CD163L1: variants seen among roughly 807,000 people sequenced by gnomAD.
CD163L1 encodes CD163 molecule like 1, also known as scavenger receptor cysteine-rich type 1 protein M160.
A neutral mutation model predicts 165.4 loss-of-function variants in CD163L1; 124 were observed. The ratio of observed to expected loss-of-function variants is 0.75; its 90% CI spans 0.65 to 0.87. The LOEUF (loss-of-function observed/expected upper bound fraction) is 0.87, where lower values mean the gene tolerates loss of function less well. Ranked by LOEUF, CD163L1 falls within the 40% of genes least tolerant of loss-of-function variation. CD163L1 has a pLI of 0.00. For missense variants in CD163L1, 1,525 were observed against 1,799.9 expected (o/e 0.85, Z 2.76); for synonymous variants, 585 against 662.2 (o/e 0.88, Z 1.79).
At chr12:7,392,292 A>G (rs749297981) in intron 8 of CD163L1, among the ~76,000 whole-genome samples, 1 of 152,206 alleles carries the variant, frequency 6.6e-6, no homozygotes, top group African/African-American at 2.4e-5. Flanking sequence ...ACACAACTAC[A>G]TGGAAACTGA....
chr12:7,440,138 G>C, intron 2 of CD163L1: 1 of 677,782 alleles, frequency 1.5e-6, no homozygotes, highest in Non-Finnish European at 2.6e-6. Flanking sequence ...GCGTGGCCAC[G>C]TCCCGCTCAG....
rs372777721 is a variant in CD163L1 at position 7,369,320 on chromosome 12, G to A, written c.4039+37C>T. The A allele has an allele frequency of 6.3e-7, 1 of 1,587,898 alleles. No individual in the cohort carries two copies. Among genetic ancestry groups the A allele is most frequent in the Non-Finnish European group, 8.6e-7 (1 of 1,162,100 alleles). The stretch of plus-strand genomic sequence containing the variant: ...TTTCCCAGTGTTCTCTACCATTAGT[G>A]GGAGGCTCAGTTTAAGTGCAGCCTT... On this transcript the variant is annotated intron_variant, in intron 15 of 19. Coordinates refer to ENST00000313599, the MANE Select transcript of CD163L1 (RefSeq NM_174941.6). The surrounding 1 kb of genome is among the most constrained non-coding windows in gnomAD (Gnocchi z 4.9).
intron 4 of CD163L1, among the ~76,000 whole-genome samples, chr12:7,429,581 T>C (rs149785234): frequency 5.4e-3 from 826 of 152,230 alleles, no homozygotes; most frequent in Admixed American, 9.6e-3. Context: ...CATAAGAAAT[T>C]TGGGAAAAAT....
At chr12:7,434,313 C>T (rs760950849) in intron 2 of CD163L1, among the ~76,000 whole-genome samples, 2 of 152,268 alleles carry the variant, frequency 1.3e-5, no homozygotes, top group South Asian at 4.1e-4. Flanking sequence ...GGTAGACAAC[C>T]ACTTCAGAAA....
chr12:7,351,693 A>C (rs1946707579), downstream of CD163L1, among the ~76,000 whole-genome samples: 1 of 152,184 alleles, frequency 6.6e-6, no homozygotes. Context: ...CTTAGAATTC[A>C]GATATTGCTT....
At chr12:7,322,552 A>G in the CD163L1 span, 1 of 1,610,138 alleles carries the variant, frequency 6.2e-7, no homozygotes, top group African/African-American at 1.3e-5. Flanking sequence ...GTATATCTAA[A>G]GGGCATTTAT....
At chr12:7,414,934 C>G (rs1948208091) in intron 4 of CD163L1, among the ~76,000 whole-genome samples, 1 of 152,116 alleles carries the variant, frequency 6.6e-6, no homozygotes, top group Non-Finnish European at 1.5e-5. Flanking sequence ...ATCACCACAT[C>G]TTCCTTAAAA....
chr12:7,333,132 A>G, the CD163L1 span, among the ~76,000 whole-genome samples: 1 of 152,186 alleles, frequency 6.6e-6, no homozygotes, highest in African/African-American at 2.4e-5. Flanking sequence ...GCTCTGCACC[A>G]AGCGGACCTA....
intron 1 of CD163L1, among the ~76,000 whole-genome samples, chr12:7,442,440 G>A (rs903003871): frequency 6.6e-6 from 1 of 152,134 alleles, no homozygotes; most frequent in Admixed American, 6.5e-5. Flanking sequence ...AATGGATCCC[G>A]GGCACTTCTC....
chr12:7,340,479 T>C, the CD163L1 span, among the ~76,000 whole-genome samples: 1 of 152,220 alleles, frequency 6.6e-6, no homozygotes, highest in Non-Finnish European at 1.5e-5. Context: ...TTAATACTTA[T>C]AGTTGGAAAA....
chr12:7,368,967 TGAGAGAGAGA>T lies in CD163L1; in HGVS notation c.4040-12_4040-3del. ...CATTCAGTGATTTCAGCGACTGTCCTGAGAGAGAGAGAGAGAGAGAGAGACGTAAATGAAC... is the reference window on the plus strand; with the variant it reads ...CATTCAGTGATTTCAGCGACTGTCCTGAGAGAGAGAGAGACGTAAATGAAC... On this transcript the variant is annotated splice_region_variant and splice_polypyrimidine_tract_variant and intron_variant, in intron 15 of 19. Transcript: ENST00000313599. This position sits in a 1 kb window ranked among gnomAD's most constrained non-coding sequence, Gnocchi z 4.3. 1 of 1,541,870 alleles carries T rather than the reference TGAGAGAGAGA, an allele frequency of 6.5e-7. No individual in the cohort carries two copies. The highest frequency in any genetic ancestry group is 1.1e-5 in the South Asian group (1 of 88,700).
intron 4 of CD163L1, among the ~76,000 whole-genome samples, chr12:7,409,833 A>G (rs974916806): frequency 1.3e-5 from 2 of 152,268 alleles, no homozygotes; most frequent in African/African-American, 2.4e-5. Flanking sequence ...TACACCTCCA[A>G]TTGGCTTTAT....
the CD163L1 span, chr12:7,324,169 T>A: frequency 3.1e-5 from 42 of 1,338,422 alleles, no homozygotes; most frequent in East Asian, 3.4e-4. Flanking sequence ...AAAAAAAAAA[T>A]TTCCTATATA....
chr12:7,437,556 A>T (rs890208434), intron 2 of CD163L1, among the ~76,000 whole-genome samples: 1 of 151,654 alleles, frequency 6.6e-6, no homozygotes, highest in African/African-American at 2.4e-5. Flanking sequence ...TCATTGTTCA[A>T]TTCCCACCTA....
rs1374687280 is a variant in CD163L1, at chr12:7,400,305, G to T, written c.1409-1721C>A. Reference sequence around the variant, plus strand: ...TTCAATGTAGGTTAAATGTGTGGGGGTATGAACAGATATATGACGCATGTA... The same window carrying T: ...TTCAATGTAGGTTAAATGTGTGGGGTTATGAACAGATATATGACGCATGTA... On this transcript the variant is annotated intron_variant, in intron 6 of 19. Coordinates refer to ENST00000313599, the MANE Select transcript of CD163L1 (RefSeq NM_174941.6). The surrounding 1 kb of genome is among the most constrained non-coding windows in gnomAD (Gnocchi z 4.1). Among the ~76,000 whole-genome samples, 1 of 152,046 alleles carries T rather than the reference G, an allele frequency of 6.6e-6. No individual in the cohort carries two copies. The highest frequency in any genetic ancestry group is 1.5e-5 in the Non-Finnish European group (1 of 68,006).
intron 1 of CD163L1, among the ~76,000 whole-genome samples, chr12:7,442,268 G>A (rs1167573326): frequency 1.3e-5 from 2 of 152,136 alleles, no homozygotes; most frequent in African/African-American, 4.8e-5. Context: ...AACTGAGCAT[G>A]TGTAATCCCA....
chr12:7,424,785 G>A (rs1487610493), intron 4 of CD163L1, among the ~76,000 whole-genome samples: 1 of 152,162 alleles, frequency 6.6e-6, no homozygotes, highest in Non-Finnish European at 1.5e-5. Flanking sequence ...CAAGGGACAT[G>A]AAGGACCTCT....
chr12:7,398,606 A>G lies in CD163L1; in HGVS notation c.1409-22T>C. 1 of 1,524,480 alleles carries G rather than the reference A, an allele frequency of 6.6e-7. No individual in the cohort carries two copies. Among genetic ancestry groups the G allele is most frequent in the East Asian group, 2.3e-5 (1 of 44,192 alleles). 94.4% of individuals were successfully genotyped at this position (1,524,480 alleles called of 1,614,324 possible). ...TTATCTGCAAGCAAGACAAAACCAC[A>G]TATTTGAGATCAAATGAGAGAGTCT... On this transcript the variant is annotated intron_variant, in intron 6 of 19. Transcript: ENST00000313599. The surrounding 1 kb of genome is among the most constrained non-coding windows in gnomAD (Gnocchi z 4.5).
At chr12:7,339,182 T>C in the CD163L1 span, among the ~76,000 whole-genome samples, 384 of 152,274 alleles carry the variant, frequency 2.5e-3, no homozygotes, top group African/African-American at 8.1e-3. Context: ...GAAATTATAA[T>C]CTTATATACA....
Sources: allele counts gnomAD v4.1 joint callset (sites outside exome capture counted in the v4.1 genomes callset), GRCh38; gene constraint gnomAD v4.1.1; non-coding constraint Gnocchi (gnomAD v3.1); transcripts MANE v1.5; gene names NCBI Gene and HGNC (gene_info 2026-07-23, HGNC 2026-07-21).